The following DNAJC3 variants were observed in gnomAD, a reference collection of about 807,000 sequenced individuals.
The protein encoded by DNAJC3 is DnaJ heat shock protein family (Hsp40) member C3.
In DNAJC3, 38 loss-of-function variants were observed where a neutral mutation model predicts 68.6. That is an observed-to-expected ratio of 0.55 (90% CI 0.43 to 0.73). The LOEUF (loss-of-function observed/expected upper bound fraction) is 0.73. DNAJC3 is among the 30% of genes least tolerant of loss of function. DNAJC3 has a pLI of 0.00. For missense variants in DNAJC3, 526 were observed against 591.9 expected, an observed-to-expected ratio of 0.89 and a Z score of 1.16; for synonymous variants, 203 against 204.0, an observed-to-expected ratio of 1.00 and a Z score of 0.04.
intron 5 of DNAJC3, 51 bp from the exon 6 acceptor site, chr13:95,759,989 G>T (rs1405391755): frequency 2.0e-6 from 3 of 1,475,606 alleles, no homozygotes; most frequent in South Asian, 1.5e-5. Flanking sequence ...ATGCAACAAT[G>T]AATGTGCATA....
chr13:95,737,397 T>G (rs1295793922), intron 4 of DNAJC3, among the ~76,000 whole-genome samples: 1 of 151,926 alleles, frequency 6.6e-6, no homozygotes, highest in Non-Finnish European at 1.5e-5. Context: ...GAAGGAATGG[T>G]ACCAGTTCCT....
intron 4 of DNAJC3, among the ~76,000 whole-genome samples, chr13:95,755,446 G>A (rs1240327395): frequency 6.6e-6 from 1 of 151,676 alleles, no homozygotes; most frequent in East Asian, 1.9e-4. Flanking sequence ...GCAAGACCCT[G>A]TCCCCTGTCT....
chr13:95,765,894 A>G (rs1177286347), intron 9 of DNAJC3, among the ~76,000 whole-genome samples: 1 of 152,084 alleles, frequency 6.6e-6, no homozygotes, highest in Non-Finnish European at 1.5e-5. Flanking sequence ...TGTTTCCTGG[A>G]AAAAATTCTT....
At chr13:95,781,434 C>G (rs1883450892) in intron 9 of DNAJC3, among the ~76,000 whole-genome samples, 1 of 152,068 alleles carries the variant, frequency 6.6e-6, no homozygotes, top group African/African-American at 2.4e-5. Flanking sequence ...CATTGTGGTT[C>G]TCTCTACTTA....
intron 7 of DNAJC3, among the ~76,000 whole-genome samples, chr13:95,761,841 G>A (rs1158236217): frequency 6.6e-6 from 1 of 151,478 alleles, no homozygotes; most frequent in Non-Finnish European, 1.5e-5. Context: ...GTACACTCAA[G>A]TGATCCTTCT....
chr13:95,723,494 G>T, intron 3 of DNAJC3, 128 bp downstream of exon 3: 1 of 1,022,716 alleles, frequency 9.8e-7, no homozygotes, highest in Non-Finnish European at 1.4e-6. Context: ...TGATGTTGTG[G>T]ACTGAGGAAC....
chr13:95,712,376 T>C (rs958599008), intron 2 of DNAJC3, among the ~76,000 whole-genome samples: 2 of 146,482 alleles, frequency 1.4e-5, no homozygotes, highest in Admixed American at 1.4e-4. Flanking sequence ...GCTTTTTTCT[T>C]TTTTTTTTTT....
At chr13:95,696,049 C>T (rs1332100127) in intron 1 of DNAJC3, among the ~76,000 whole-genome samples, 1 of 152,158 alleles carries the variant, frequency 6.6e-6, no homozygotes, top group Non-Finnish European at 1.5e-5. Context: ...CACTAAAGAG[C>T]CATTCCACAT....
At chr13:95,696,744 G>A (rs1880450570) in intron 1 of DNAJC3, among the ~76,000 whole-genome samples, 2 of 151,368 alleles carry the variant, frequency 1.3e-5, no homozygotes, top group African/African-American at 2.4e-5. Context: ...AGATGGTTGT[G>A]TCTTGTGTTT....
intron 1 of DNAJC3, among the ~76,000 whole-genome samples, chr13:95,697,812 A>AC (rs1880488046): frequency 7.2e-6 from 1 of 138,944 alleles, no homozygotes; most frequent in Admixed American, 7.1e-5. Context: ...TTTTTTAAAG[A>AC]CATCTGTCTC....
At chr13:95,742,563 A>G (rs975482802) in intron 4 of DNAJC3, 1 of 441,102 alleles carries the variant, frequency 2.3e-6, no homozygotes, top group Admixed American at 2.7e-5. Context: ...TTTTCCCCAC[A>G]TTCAGAGCCT....
chr13:95,789,809 A>G (rs1388047438), intron 11 of DNAJC3, among the ~76,000 whole-genome samples: 3 of 151,892 alleles, frequency 2.0e-5, no homozygotes, highest in Non-Finnish European at 4.4e-5. Flanking sequence ...GGCAGCATCT[A>G]TTTTTTTTAC....
chr13:95,733,703 C>CTT (rs146677839), intron 4 of DNAJC3, among the ~76,000 whole-genome samples: 280 of 102,896 alleles, frequency 2.7e-3, no homozygotes, highest in East Asian at 4.4e-3. Flanking sequence ...CCTGGCCTGT[C>CTT]TTTTTTTTTT....
intron 9 of DNAJC3, among the ~76,000 whole-genome samples, chr13:95,782,302 C>T (rs1466319824): frequency 1.1e-4 from 17 of 152,140 alleles, no homozygotes; most frequent in Admixed American, 1.1e-3. Context: ...GATTTATAAT[C>T]CTTTGGGTAT....
At chr13:95,748,347 A>G (rs1335376981) in intron 4 of DNAJC3, among the ~76,000 whole-genome samples, 4 of 152,232 alleles carry the variant, frequency 2.6e-5, no homozygotes, top group Admixed American at 2.6e-4. Flanking sequence ...CTTTGGTAAG[A>G]CATTTGATAA....
At chr13:95,734,925 C>T (rs1333053993) in intron 4 of DNAJC3, among the ~76,000 whole-genome samples, 4 of 147,100 alleles carry the variant, frequency 2.7e-5, no homozygotes, top group African/African-American at 7.6e-5. Flanking sequence ...CCCACTAACT[C>T]GTCATCTAGC....
At chr13:95,728,191 G>A (rs1223819676) in intron 4 of DNAJC3, among the ~76,000 whole-genome samples, 1 of 152,128 alleles carries the variant, frequency 6.6e-6, no homozygotes, top group Non-Finnish European at 1.5e-5. Flanking sequence ...TTGTGTGAAC[G>A]TGAATTTTTG....
At chr13:95,785,805 T>TA in intron 9 of DNAJC3, 134 bp from the exon 10 acceptor site, 1 of 723,664 alleles carries the variant, frequency 1.4e-6, no homozygotes, top group Non-Finnish European at 2.1e-6. Flanking sequence ...GGGTATCACT[T>TA]AAGGTTTTTG....
chr13:95,724,107 T>C (rs1881429413), intron 3 of DNAJC3, among the ~76,000 whole-genome samples: 1 of 152,200 alleles, frequency 6.6e-6, no homozygotes, highest in African/African-American at 2.4e-5. Flanking sequence ...ATTACTAATA[T>C]TTTAAGATGG....
Sources: allele counts gnomAD v4.1 joint callset (sites outside exome capture counted in the v4.1 genomes callset), GRCh38; gene constraint gnomAD v4.1.1; transcripts MANE v1.5; gene names NCBI Gene and HGNC (gene_info 2026-07-23, HGNC 2026-07-21).